Variants in KCNMB2 observed in about 807,000 individuals in gnomAD.
KCNMB2 encodes the protein calcium-activated potassium channel subunit beta-2.
A neutral mutation model predicts 24.5 loss-of-function variants in KCNMB2; 9 were observed. The ratio of observed to expected loss-of-function variants is 0.37; its 90% CI spans 0.22 to 0.64. The LOEUF is 0.64. KCNMB2 is among the 30% of genes least tolerant of loss of function. The pLI is 0.63. For synonymous variants in KCNMB2, 109 were observed against 104.4 expected (o/e 1.04, Z -0.27); for missense variants, 226 against 284.3 (o/e 0.79, Z 1.47).
chr3:178,777,844 G>A (rs1462754455), intron 1 of KCNMB2, among the ~76,000 whole-genome samples: 1 of 152,186 alleles, frequency 6.6e-6, no homozygotes, highest in Admixed American at 6.5e-5. Flanking sequence ...GTCATGGCAT[G>A]AGCTTAGGTT....
At chr3:178,676,851 A>G (rs999819188) in intron 1 of KCNMB2, among the ~76,000 whole-genome samples, 1 of 152,128 alleles carries the variant, frequency 6.6e-6, no homozygotes, top group African/African-American at 2.4e-5. Flanking sequence ...TTAGCATTTT[A>G]ACGTTACGAA....
chr3:178,572,557 T>A (rs1379453736), intron 1 of KCNMB2, among the ~76,000 whole-genome samples: 1 of 152,232 alleles, frequency 6.6e-6, no homozygotes, highest in Non-Finnish European at 1.5e-5. Context: ...AAAATTCCAG[T>A]GCTATCTCTA....
chr3:178,818,915 A>G (rs1184654682), intron 2 of KCNMB2, among the ~76,000 whole-genome samples: 16 of 109,756 alleles, frequency 1.5e-4, no homozygotes, highest in African/African-American at 8.2e-4. Context: ...ATTCTCTTAT[A>G]TTCTGCCTGG....
intron 4 of KCNMB2, among the ~76,000 whole-genome samples, chr3:178,842,238 CA>C (rs1169411190): frequency 1.3e-5 from 2 of 151,916 alleles, no homozygotes; most frequent in Non-Finnish European, 2.9e-5. Flanking sequence ...TGTGGACAGA[CA>C]AAATGATGGC....
intron 1 of KCNMB2, among the ~76,000 whole-genome samples, chr3:178,738,736 T>A (rs966754015): frequency 6.6e-6 from 1 of 152,176 alleles, no homozygotes; most frequent in African/African-American, 2.4e-5. Context: ...CCCACTCACC[T>A]GCCTCCCAGC....
At chr3:178,731,515 C>T (rs778470794) in intron 1 of KCNMB2, among the ~76,000 whole-genome samples, 2 of 152,202 alleles carry the variant, frequency 1.3e-5, no homozygotes, top group African/African-American at 2.4e-5. Flanking sequence ...GCATCAGCGG[C>T]AATGTATACG....
intron 1 of KCNMB2, among the ~76,000 whole-genome samples, chr3:178,704,757 T>C (rs1303060001): frequency 6.6e-6 from 1 of 152,170 alleles, no homozygotes; most frequent in Non-Finnish European, 1.5e-5. Flanking sequence ...CACCAGTTAA[T>C]GAGAGAACCA....
chr3:178,839,557 A>T (rs9880566), intron 4 of KCNMB2, among the ~76,000 whole-genome samples: 97,990 of 152,060 alleles, frequency 0.64, 33,499 homozygotes, highest in African/African-American at 0.87. Context: ...TTTATAAAAG[A>T]AAAAGGTTTA....
intron 1 of KCNMB2, among the ~76,000 whole-genome samples, chr3:178,715,822 T>C (rs572951993): frequency 6.6e-6 from 1 of 152,296 alleles, no homozygotes; most frequent in South Asian, 2.1e-4. Flanking sequence ...TTCCCTTTCA[T>C]GGTAGGATGA....
chr3:178,807,216 G>A (rs1714004959), intron 1 of KCNMB2, 127 bp from the exon 2 acceptor site: 1 of 469,402 alleles, frequency 2.1e-6, no homozygotes, highest in Non-Finnish European at 3.7e-6. Context: ...AAAATTCCCA[G>A]TCAATTTTAA....
intron 1 of KCNMB2, among the ~76,000 whole-genome samples, chr3:178,656,386 C>A (rs1577076585): frequency 6.6e-6 from 1 of 152,154 alleles, no homozygotes. Flanking sequence ...CCTGAGAATT[C>A]TTCTTGAATA....
In KCNMB2 at chr3:178,832,458, T is replaced by C. The variant is rs1411721657; in HGVS notation, c.423+4085T>C. On this transcript the variant is annotated intron_variant, in intron 4 of 4. Coordinates refer to ENST00000452583, the MANE Select transcript of KCNMB2 (RefSeq NM_181361.3). ...TTAGCATTTCCAGGGCTTCTTTCCCTGCTCCTTAATATTCTTTGTCAATTT... is the reference window on the plus strand; with the variant it reads ...TTAGCATTTCCAGGGCTTCTTTCCCCGCTCCTTAATATTCTTTGTCAATTT... 4.9e-5 allele frequency among the ~76,000 whole-genome samples: 4 copies of C among 81,204 alleles called. 2 individuals carry two copies. Among genetic ancestry groups the C allele is most frequent in the African/African-American group, 4.5e-4 (4 of 8,950 alleles). The allele number at this position is 81,204 out of a possible 152,430, so 53.3% of individuals were successfully genotyped here. A position where few individuals can be genotyped will look rare whatever the true frequency, so the allele number is the denominator to read the frequency against.
At chr3:178,793,842 T>TCACC (rs1385448440) in intron 1 of KCNMB2, among the ~76,000 whole-genome samples, 1 of 151,708 alleles carries the variant, frequency 6.6e-6, no homozygotes, top group African/African-American at 2.4e-5. Flanking sequence ...AAACACCAAA[T>TCACC]CACCCCTCCC....
At chr3:178,599,646 A>G (rs935673960) in intron 1 of KCNMB2, among the ~76,000 whole-genome samples, 1 of 152,126 alleles carries the variant, frequency 6.6e-6, no homozygotes, top group Non-Finnish European at 1.5e-5. Context: ...TTCATTATTC[A>G]TTTTATGCAT....
At chr3:178,681,346 T>G (rs1721265396) in intron 1 of KCNMB2, among the ~76,000 whole-genome samples, 1 of 152,224 alleles carries the variant, frequency 6.6e-6, no homozygotes, top group African/African-American at 2.4e-5. Context: ...AATAGCTAAT[T>G]CACATTCAGG....
chr3:178,633,573 T>C (rs1719405503), intron 1 of KCNMB2, among the ~76,000 whole-genome samples: 2 of 152,198 alleles, frequency 1.3e-5, no homozygotes, highest in Non-Finnish European at 2.9e-5. Context: ...GGCCTGAGGC[T>C]GCACACAGTG....
chr3:178,783,331 A>C (rs993433236), intron 1 of KCNMB2, among the ~76,000 whole-genome samples: 4 of 148,594 alleles, frequency 2.7e-5, no homozygotes, highest in African/African-American at 9.9e-5. Flanking sequence ...CTGTGAAGAA[A>C]GTCATTGGTA....
intron 1 of KCNMB2, among the ~76,000 whole-genome samples, chr3:178,655,087 T>C (rs1005258304): frequency 2.2e-5 from 3 of 137,176 alleles, no homozygotes; most frequent in Non-Finnish European, 4.6e-5. Flanking sequence ...CAGTAAATAT[T>C]AGCTCTCCCT....
chr3:178,620,891 G>A (rs933237593), intron 1 of KCNMB2, among the ~76,000 whole-genome samples: 3 of 152,210 alleles, frequency 2.0e-5, no homozygotes, highest in Non-Finnish European at 4.4e-5. Flanking sequence ...AGCAAAATTA[G>A]TTAAGAGTTT....
Sources: gnomAD v4.1 joint callset for allele counts (sites outside exome capture counted in the v4.1 genomes callset) on GRCh38, gnomAD v4.1.1 for gene constraint, MANE v1.5 for transcripts, NCBI Gene and HGNC (gene_info 2026-07-23, HGNC 2026-07-21) for gene names.